SLC26A11: variants seen among roughly 807,000 people sequenced by gnomAD.
SLC26A11 encodes the protein solute carrier family 26 member 11.
A neutral mutation model predicts 62.2 loss-of-function variants in SLC26A11; 58 were observed. The observed-to-expected ratio is 0.93, with a 90% CI of 0.76 to 1.16. The LOEUF (loss-of-function observed/expected upper bound fraction) is 1.16, where lower values mean the gene tolerates loss of function less well. Among genes scored for constraint, SLC26A11 ranks in the 50% most tolerant of loss-of-function variants. The probability of loss-of-function intolerance (pLI) is 0.00; values close to 1 mark genes in which losing one functional copy is unlikely to be tolerated. For synonymous variants in SLC26A11, 411 were observed against 368.9 expected (o/e 1.11, Z -1.31); for missense variants, 790 against 794.3 (o/e 0.99, Z 0.06).
intron 7 of SLC26A11, among the ~76,000 whole-genome samples, chr17:80,229,857 G>A (rs1373965966): frequency 6.6e-6 from 1 of 152,204 alleles, no homozygotes; most frequent in Non-Finnish European, 1.5e-5. Context: ...CTCCGAATCA[G>A]GATCTGTATT....
chr17:80,243,276 C>T (rs1291512409), intron 10 of SLC26A11, among the ~76,000 whole-genome samples: 1 of 152,184 alleles, frequency 6.6e-6, no homozygotes, highest in Admixed American at 6.5e-5. Context: ...AGTGGCGGAG[C>T]TTGGGCTTCC....
chr17:80,227,005 G>T (rs959088085), intron 6 of SLC26A11, among the ~76,000 whole-genome samples: 3 of 152,208 alleles, frequency 2.0e-5, no homozygotes, highest in Non-Finnish European at 4.4e-5. Context: ...TCGGCCAGAT[G>T]GGGGAGCAGT....
At chr17:80,236,072 G>A (rs1015708276) in intron 7 of SLC26A11, among the ~76,000 whole-genome samples, 2 of 152,130 alleles carry the variant, frequency 1.3e-5, no homozygotes, top group Admixed American at 6.5e-5. Flanking sequence ...CCAGGCCTTG[G>A]GCTAATCTTC....
At chr17:80,244,952 G>A (rs1348266566) in intron 10 of SLC26A11, among the ~76,000 whole-genome samples, 1 of 134,692 alleles carries the variant, frequency 7.4e-6, no homozygotes, top group Non-Finnish European at 1.5e-5. Flanking sequence ...TCCAGCCTGG[G>A]CAACAAAGCC....
At chr17:80,244,689 A>G (rs185010319) in intron 10 of SLC26A11, among the ~76,000 whole-genome samples, 86 of 151,800 alleles carry the variant, frequency 5.7e-4, no homozygotes, top group African/African-American at 2.1e-3. Flanking sequence ...TAAAAATAGA[A>G]AAATTAACTG....
chr17:80,233,584 A>ACT (rs112497679), intron 7 of SLC26A11, among the ~76,000 whole-genome samples: 1 of 142,406 alleles, frequency 7.0e-6, no homozygotes, highest in Non-Finnish European at 1.5e-5. Flanking sequence ...CTCTTTCAGC[A>ACT]TTTTTTTTTT....
intron 6 of SLC26A11, 136 bp from the exon 7 acceptor site, chr17:80,227,682 C>A: frequency 8.1e-7 from 1 of 1,230,180 alleles, no homozygotes. Context: ...TCACTGTGGT[C>A]TGGGACCAGC....
At position 80,222,191 on chromosome 17, in the gene SLC26A11, A is replaced by G. The variant is rs1184499720; in HGVS notation, c.234+397A>G. On this transcript the variant is annotated intron_variant, in intron 3 of 17. Coordinates refer to ENST00000361193, the MANE Select transcript of SLC26A11 (RefSeq NM_001166347.2). The surrounding 1 kb of genome is among the most constrained non-coding windows in gnomAD (Gnocchi z 4.7). ...GGAGATGGAGACCATCCTGGCTAAC[A>G]GGGTGAAACCCCGTCTCTACTAAAA... 9.9e-6 allele frequency: 2 copies of G among 202,212 alleles called. No individual in the cohort carries two copies. The highest frequency in any genetic ancestry group is 1.2e-4 in the South Asian group (1 of 8,494). 12.5% of individuals were successfully genotyped at this position (202,212 alleles called of 1,614,324 possible). A position where few individuals can be genotyped will look rare whatever the true frequency, so the allele number is the denominator to read the frequency against.
Position 80,245,265 on chromosome 17 carries a change from C to CA in SLC26A11, c.1097+9_1097+10insA. On this transcript the variant is annotated intron_variant, in intron 11 of 17. Transcript: ENST00000361193. ...ACAGGCAGCTTTGGACGGTGAGTGA[C>CA]CTGTCCGCCTCTTCTGTTTGCCCAC... 2 of 1,613,546 alleles carry CA rather than the reference C, an allele frequency of 1.2e-6. No individual in the cohort carries two copies. Among genetic ancestry groups the CA allele is most frequent in the Non-Finnish European group, 1.7e-6 (2 of 1,179,616 alleles).
At position 80,247,438 on chromosome 17, in the gene SLC26A11, A is replaced by T. The variant is rs561211163; in HGVS notation, c.1295-692A>T. Reference sequence around the variant, plus strand: ...GGGCGGCCGGGCAGAGGCGCCCCTCACCTCCCGGACGGGAGCAGTTCCTTT... The same window carrying T: ...GGGCGGCCGGGCAGAGGCGCCCCTCTCCTCCCGGACGGGAGCAGTTCCTTT... On this transcript the variant is annotated intron_variant, in intron 13 of 17. Coordinates refer to ENST00000361193, the MANE Select transcript of SLC26A11 (RefSeq NM_001166347.2). 3.9e-5 allele frequency among the ~76,000 whole-genome samples: 6 copies of T among 152,142 alleles called. No individual in the cohort carries two copies. In the South Asian group the frequency reaches 8.3e-4, roughly 21 times the overall value.
At chr17:80,221,967 G>C (rs780841261) in intron 3 of SLC26A11, 173 bp downstream of exon 3, 99 of 678,482 alleles carry the variant, frequency 1.5e-4, no homozygotes, top group Non-Finnish European at 2.2e-4. Context: ...TCCTATGCCT[G>C]TTTGGCACAC....
In SLC26A11 at chr17:80,223,520, C is replaced by T. The variant is rs2042283326; in HGVS notation, c.513+183C>T. On this transcript the variant is annotated intron_variant, in intron 5 of 17. Transcript: ENST00000361193. The surrounding 1 kb of genome is among the most constrained non-coding windows in gnomAD (Gnocchi z 4.6). The stretch of plus-strand genomic sequence containing the variant: ...CATGGGTCCCCTGTTAATAAAATGA[C>T]CCTCCTGGGAGGGATGTCACGTGAT... Among the ~76,000 whole-genome samples the T allele has an allele frequency of 6.6e-6, 1 of 152,190 alleles. No homozygotes were observed. Among genetic ancestry groups the T allele is most frequent in the Non-Finnish European group, 1.5e-5 (1 of 68,042 alleles).
chr17:80,249,096 G>A (rs2043089932), intron 15 of SLC26A11, 58 bp from the exon 16 acceptor site: 1 of 1,571,356 alleles, frequency 6.4e-7, no homozygotes, highest in Non-Finnish European at 8.6e-7. Context: ...TTTGGCCTCT[G>A]CAGAGCAGCT....
intron 9 of SLC26A11, among the ~76,000 whole-genome samples, chr17:80,239,223 G>A (rs1479311328): frequency 6.6e-6 from 1 of 151,724 alleles, no homozygotes; most frequent in Non-Finnish European, 1.5e-5. Context: ...GGGATTACGG[G>A]TGCGCACCAA....
intron 10 of SLC26A11, among the ~76,000 whole-genome samples, chr17:80,244,829 A>G (rs886386168): frequency 6.6e-6 from 1 of 152,088 alleles, no homozygotes; most frequent in African/African-American, 2.4e-5. Context: ...TACAGAAATT[A>G]GCCAGGCGTG....
At chr17:80,242,820 T>C (rs9674864) in intron 10 of SLC26A11, among the ~76,000 whole-genome samples, 1,666 of 152,324 alleles carry the variant, frequency 0.011, 25 homozygotes, top group African/African-American at 0.037. Flanking sequence ...CCGATTCTCC[T>C]GCCTCAGCCT....
chr17:80,221,461 C>T (rs1046885911), intron 2 of SLC26A11, 87 bp from the exon 3 acceptor site: 4 of 999,216 alleles, frequency 4.0e-6, no homozygotes, highest in East Asian at 5.3e-5. Flanking sequence ...AGTGACCTCT[C>T]CTGACACCCG....
In SLC26A11 at chr17:80,228,096, A is replaced by G; in HGVS notation, c.736+136A>G. 1 of 629,300 alleles carries G rather than the reference A, an allele frequency of 1.6e-6. No homozygotes were observed. The highest frequency in any genetic ancestry group is 2.7e-6 in the Non-Finnish European group (1 of 374,804). The allele number at this position is 629,300 out of a possible 1,614,324, so 39.0% of individuals were successfully genotyped here. On this transcript the variant is annotated intron_variant, in intron 7 of 17. Transcript: ENST00000361193. This position sits in a 1 kb window ranked among gnomAD's most constrained non-coding sequence, Gnocchi z 4.1. ...TGAGCATTGGGACATTTAAAACACC[A>G]CACCAAACTCTGGGACATGTACTTT... is the stretch of plus-strand genomic sequence containing the variant.
chr17:80,235,806 T>G (rs1233338981), intron 7 of SLC26A11, among the ~76,000 whole-genome samples: 1 of 152,252 alleles, frequency 6.6e-6, no homozygotes, highest in Non-Finnish European at 1.5e-5. Context: ...CTTAGGACAG[T>G]TCGATCCATT....
Sources: gnomAD v4.1 joint callset for allele counts (sites outside exome capture counted in the v4.1 genomes callset) on GRCh38, gnomAD v4.1.1 for gene constraint, Gnocchi (gnomAD v3.1) non-coding constraint, MANE v1.5 for transcripts, NCBI Gene and HGNC (gene_info 2026-07-23, HGNC 2026-07-21) for gene names.